The following MEI4 variants were observed in gnomAD, a reference collection of about 807,000 sequenced individuals.
MEI4 encodes the protein meiosis-specific protein MEI4.
MEI4 carries 27 observed loss-of-function variants against 31.4 expected under a neutral mutation model. The ratio of observed to expected loss-of-function variants is 0.86; its 90% CI spans 0.63 to 1.19. The LOEUF (loss-of-function observed/expected upper bound fraction) is 1.19, where lower values mean the gene tolerates loss of function less well. Among genes scored for constraint, MEI4 ranks in the 50% most tolerant of loss-of-function variants. MEI4 has a pLI of 0.00. For missense variants in MEI4, 329 were observed against 398.9 expected (o/e 0.82, Z 1.49); for synonymous variants, 122 against 145.4 (o/e 0.84, Z 1.16).
rs2127743618 is a variant in MEI4 at position 77,923,264 on chromosome 6, A to T, written c.1076A>T (p.Asp359Val). Residue 359 changes from aspartate (D) to valine (V), a missense_variant, in exon 5 of 5, where the codon GAT becomes GTT. Physicochemically the swap from Asp to Val is radical, Grantham distance 152 (BLOSUM62 -3). Coordinates refer to ENST00000684080, the MANE Select transcript of MEI4 (RefSeq NM_001322247.2). ...GATGAAACTATTTTCCAACTTTCTG[A>T]TGCATTTCCTTTGTTTACTTTTTAT... ...KHDETIFQLS[D>V]AFPLFTFYLW... The T allele has an allele frequency of 8.1e-7, 1 of 1,230,400 alleles. No homozygotes were observed. Among genetic ancestry groups the T allele is most frequent in the East Asian group, 3.2e-5 (1 of 31,638 alleles). 76.2% of individuals were successfully genotyped at this position (1,230,400 alleles called of 1,614,324 possible).
rs184185771 is a variant in MEI4, at chr6:77,911,418, C to T, written c.901-11671C>T. 2.3e-3 allele frequency among the ~76,000 whole-genome samples: 355 copies of T among 152,002 alleles called. 3 individuals are homozygous for T. Among genetic ancestry groups the T allele is most frequent in the African/African-American group, 7.7e-3 (318 of 41,496 alleles). On this transcript the variant is annotated intron_variant, in intron 4 of 4. Coordinates refer to ENST00000684080, the MANE Select transcript of MEI4 (RefSeq NM_001322247.2). ...GATCTTTTCACTGAGGTAGTGAGCA[C>T]GGTACCCAATAGGTAGTTGTTCAGG...
intron 4 of MEI4, among the ~76,000 whole-genome samples, chr6:77,850,446 C>G (rs535965105): frequency 7.6e-4 from 115 of 152,162 alleles, no homozygotes; most frequent in African/African-American, 2.7e-3. Context: ...AGATAGAGAC[C>G]AATGGAACAG....
intron 1 of MEI4, among the ~76,000 whole-genome samples, chr6:77,684,965 C>G (rs981473970): frequency 1.3e-5 from 2 of 152,162 alleles, no homozygotes; most frequent in Non-Finnish European, 2.9e-5. Context: ...TACATTCCCA[C>G]CAACAGTGTA....
intron 2 of MEI4, among the ~76,000 whole-genome samples, chr6:77,752,894 C>T (rs1170822854): frequency 6.6e-6 from 1 of 152,094 alleles, no homozygotes; most frequent in African/African-American, 2.4e-5. Context: ...GTACTGGTAC[C>T]AAAACAGATA....
At chr6:77,786,782 A>G (rs905180403) in intron 3 of MEI4, among the ~76,000 whole-genome samples, 2 of 152,208 alleles carry the variant, frequency 1.3e-5, no homozygotes, top group Non-Finnish European at 2.9e-5. Context: ...GGTTAAGAAA[A>G]AAATTTCATT....
At chr6:77,710,370 A>C (rs1766430912) in intron 2 of MEI4, among the ~76,000 whole-genome samples, 1 of 151,896 alleles carries the variant, frequency 6.6e-6, no homozygotes, top group Non-Finnish European at 1.5e-5. Context: ...AAGAATACAA[A>C]AATTAGCTGG....
intron 2 of MEI4, among the ~76,000 whole-genome samples, chr6:77,736,215 C>A (rs771981419): frequency 6.6e-6 from 1 of 152,022 alleles, no homozygotes; most frequent in South Asian, 2.1e-4. Context: ...TGGGCAATGG[C>A]GGGCGCCCCT....
intron 4 of MEI4, among the ~76,000 whole-genome samples, chr6:77,869,533 G>A (rs576886299): frequency 1.1e-4 from 16 of 152,202 alleles, no homozygotes; most frequent in Admixed American, 5.2e-4. Context: ...CAGAAGGGCC[G>A]TCATCTGCAA....
intron 4 of MEI4, among the ~76,000 whole-genome samples, chr6:77,915,011 T>C (rs6903719): frequency 0.53 from 80,699 of 151,866 alleles, 23,223 homozygotes; most frequent in East Asian, 0.75. Flanking sequence ...TCCATTCAGC[T>C]GATCTATATC....
At chr6:77,891,518 A>G (rs1771767675) in intron 4 of MEI4, among the ~76,000 whole-genome samples, 1 of 151,608 alleles carries the variant, frequency 6.6e-6, no homozygotes, top group Non-Finnish European at 1.5e-5. Flanking sequence ...TAGATCATGT[A>G]TTGTTTTCCT....
intron 1 of MEI4, among the ~76,000 whole-genome samples, chr6:77,658,811 A>C (rs1768446801): frequency 6.6e-6 from 1 of 152,224 alleles, no homozygotes; most frequent in African/African-American, 2.4e-5. Context: ...GGGAGGACCC[A>C]GGACATCCAA....
chr6:77,698,641 G>T (rs1468203292), intron 2 of MEI4, among the ~76,000 whole-genome samples: 1 of 152,192 alleles, frequency 6.6e-6, no homozygotes, highest in Non-Finnish European at 1.5e-5. Flanking sequence ...AGATCCACTG[G>T]TAGTCTGATG....
intron 4 of MEI4, among the ~76,000 whole-genome samples, chr6:77,843,007 T>C (rs1770400619): frequency 6.6e-6 from 1 of 151,712 alleles, no homozygotes; most frequent in African/African-American, 2.4e-5. Context: ...GAAAGAAATA[T>C]TACCATTTAT....
chr6:77,794,600 A>G (rs1769030484), intron 3 of MEI4, among the ~76,000 whole-genome samples: 1 of 152,058 alleles, frequency 6.6e-6, no homozygotes, highest in Admixed American at 6.6e-5. Flanking sequence ...GCACGTAAAT[A>G]TATTTTAGTT....
chr6:77,782,085 C>T (rs144776278), intron 3 of MEI4, among the ~76,000 whole-genome samples: 1 of 152,032 alleles, frequency 6.6e-6, no homozygotes. Context: ...TCTGAGAAGT[C>T]ACAGGTCACT....
At chr6:77,867,780 T>C (rs966683068) in intron 4 of MEI4, among the ~76,000 whole-genome samples, 7 of 152,132 alleles carry the variant, frequency 4.6e-5, no homozygotes, top group African/African-American at 1.2e-4. Flanking sequence ...GTGTTTATTG[T>C]GGCACTATTC....
At chr6:77,749,890 A>G (rs1040852841) in intron 2 of MEI4, among the ~76,000 whole-genome samples, 3 of 152,184 alleles carry the variant, frequency 2.0e-5, no homozygotes, top group Admixed American at 6.5e-5. Flanking sequence ...TTACCCACAA[A>G]CAGAAGCCCA....
intron 4 of MEI4, among the ~76,000 whole-genome samples, chr6:77,910,161 CCT>C (rs1766399447): frequency 6.6e-6 from 1 of 152,100 alleles, no homozygotes; most frequent in African/African-American, 2.4e-5. Flanking sequence ...ACAGGGATGC[CCT>C]CTCTCAGCAC....
At chr6:77,730,805 G>GAGGAATATACTGGCAAA in intron 2 of MEI4, among the ~76,000 whole-genome samples, 1 of 129,744 alleles carries the variant, frequency 7.7e-6, no homozygotes, top group African/African-American at 3.0e-5. Context: ...AGTCCCCAGA[G>GAGGAATATACTGGCAAA]TGTGATGTTC....
Sources: gnomAD v4.1 joint callset for allele counts (sites outside exome capture counted in the v4.1 genomes callset) on GRCh38, gnomAD v4.1.1 for gene constraint, MANE v1.5 for transcripts, NCBI Gene and HGNC (gene_info 2026-07-23, HGNC 2026-07-21) for gene names.